IRX6: variants seen among roughly 807,000 people sequenced by gnomAD.
IRX6 encodes iroquois homeobox 6.
A neutral mutation model predicts 47.7 loss-of-function variants in IRX6; 46 were observed. The ratio of observed to expected loss-of-function variants is 0.96; its 90% confidence interval spans 0.76 to 1.23. The LOEUF is 1.23. Ranked by LOEUF, IRX6 falls within the 50% of genes most tolerant of loss-of-function variation. The pLI is 0.00. For missense variants in IRX6, 722 were observed against 588.0 expected (o/e 1.23, Z -2.36); for synonymous variants, 265 against 246.2 (o/e 1.08, Z -0.72).
chr16:55,329,495 T>TAA (rs1367598937), intron 5 of IRX6, among the ~76,000 whole-genome samples, 184 bp downstream of exon 5: 1 of 152,192 alleles, frequency 6.6e-6, no homozygotes, highest in Non-Finnish European at 1.5e-5. Context: ...CTCCCTTATT[T>TAA]AAAAGTCAAA....
At chr16:55,329,376 G>A (rs141862671) in intron 5 of IRX6, 65 bp downstream of exon 5, 277 of 1,521,636 alleles carry the variant, frequency 1.8e-4, no homozygotes, top group Non-Finnish European at 2.4e-4. Context: ...GCCCCGCCCG[G>A]CAATTGCACA....
chr16:55,329,108 A>T lies in IRX6; in HGVS notation c.1130A>T (p.Glu377Val). 1 of 1,614,022 alleles carries T rather than the reference A, an allele frequency of 6.2e-7. No homozygotes were observed. Among genetic ancestry groups the T allele is most frequent in the Non-Finnish European group, 8.5e-7 (1 of 1,180,028 alleles). Residue 377 changes from glutamate to valine, a missense_variant, in exon 5 of 6, where the codon GAG (glutamate) becomes GTG (valine). Glu to Val is a moderately radical substitution (Grantham distance 121). Transcript: ENST00000290552. Reference protein sequence around the residue: ...PPARPRPRSPECRMIPGQPPA... With the variant: ...PPARPRPRSPVCRMIPGQPPA... ...GCCCGGCCTAGGCCACGAAGTCCTG[A>T]GTGCCGTATGATTCCTGGACAGCCT... is the stretch of plus-strand genomic sequence containing the variant.
rs753210884 is a variant in IRX6 at position 55,326,485 on chromosome 16, C to T, written c.195C>T (p.Gly65=). 1.2e-6 allele frequency: 2 copies of T among 1,612,970 alleles called. No homozygotes were observed. The highest frequency in any genetic ancestry group is 1.7e-5 in the Admixed American group (1 of 59,934). Reference sequence around the variant, plus strand: ...TGGGCAGTGCGCGACCGGAGCTGGGCGCCGCCTTGGGCATCTATGGAGCAC... The same window carrying T: ...TGGGCAGTGCGCGACCGGAGCTGGGTGCCGCCTTGGGCATCTATGGAGCAC... ...RLLGSARPEL[G]AALGIYGAPY... Residue 65 remains glycine, a synonymous_variant, in exon 2 of 6, where the codon GGC becomes GGT. Transcript: ENST00000290552.
intron 4 of IRX6, 70 bp from the exon 5 acceptor site, chr16:55,328,630 C>A: frequency 1.3e-6 from 2 of 1,518,816 alleles, no homozygotes; most frequent in Admixed American, 3.7e-5. Flanking sequence ...AAAAGCTTCT[C>A]GGGGATGGAC....
At chr16:55,327,082 G>T (rs1160446345) in intron 2 of IRX6, 7 of 562,966 alleles carry the variant, frequency 1.2e-5, no homozygotes, top group Non-Finnish European at 6.3e-6. Context: ...CTGCCAGCAT[G>T]GTCTTCTTCA....
At position 55,324,782 on chromosome 16, in the gene IRX6, G is replaced by T; in HGVS notation, c.-310G>T. The T allele has an allele frequency of 2.2e-6, 1 of 456,660 alleles. No homozygotes were observed. The highest frequency in any genetic ancestry group is 4.0e-6 in the Non-Finnish European group (1 of 250,616). 28.3% of individuals were successfully genotyped at this position (456,660 alleles called of 1,614,324 possible). ...GACACCTCCGGAGCCTCACAGCCCC[G>T]CGCCGCGCCGCGCCTCACCTCGCCA... On this transcript the variant is annotated 5_prime_UTR_variant, in exon 1 of 6. Transcript: ENST00000290552. The surrounding 1 kb of genome is among the most constrained non-coding windows in gnomAD (Gnocchi z 4.4).
intron 1 of IRX6, 125 bp from the exon 2 acceptor site, chr16:55,326,207 GGAAT>G: frequency 2.4e-6 from 2 of 824,452 alleles, no homozygotes; most frequent in Non-Finnish European, 3.7e-6. Context: ...GCATAATGAA[GGAAT>G]GAATGAAGGA....
chr16:55,326,245 CTTCT>C, intron 1 of IRX6, 87 bp from the exon 2 acceptor site: 1 of 1,124,152 alleles, frequency 8.9e-7, no homozygotes, highest in Admixed American at 3.4e-5. Flanking sequence ...CTGATTTTCT[CTTCT>C]TTGTTTCTAG....
At chr16:55,326,959 C>CGGGGGGGGGGGGGGGGGGGA (rs1555484071) in intron 2 of IRX6, 1 of 31,378 alleles carries the variant, frequency 3.2e-5, no homozygotes, top group African/African-American at 1.7e-4. Context: ...GGGCAGGGGG[C>CGGGGGGGGGGGGGGGGGGGA]GGGGGGTGGG....
At position 55,325,567 on chromosome 16, in the gene IRX6, A is replaced by AAGAAAGAGAGAGAG. The variant is rs1960505735; in HGVS notation, c.45+434_45+435insAAGAGAGAGAGAGA. On this transcript the variant is annotated intron_variant, in intron 1 of 5. Coordinates refer to ENST00000290552, the MANE Select transcript of IRX6 (RefSeq NM_024335.3). ...AGAGAGAGAGAGAGAGAGAGAAAGAAAGAGAAAGAAAGAAAGAAGGAAAGA... is the reference window on the plus strand; with the variant it reads ...AGAGAGAGAGAGAGAGAGAGAAAGAAAGAAAGAGAGAGAGAGAGAAAGAAAGAAAGAAGGAAAGA... 3.5e-5 allele frequency among the ~76,000 whole-genome samples: 2 copies of AAGAAAGAGAGAGAG among 57,570 alleles called. 1 individual carries two copies. Among genetic ancestry groups the AAGAAAGAGAGAGAG allele is most frequent in the Non-Finnish European group, 7.8e-5 (2 of 25,482 alleles). 37.8% of individuals were successfully genotyped at this position (57,570 alleles called of 152,430 possible). A position where few individuals can be genotyped will look rare whatever the true frequency, so the allele number is the denominator to read the frequency against.
intron 2 of IRX6, 30 bp from the exon 3 acceptor site, chr16:55,327,266 C>A: frequency 6.5e-7 from 1 of 1,533,770 alleles, no homozygotes; most frequent in Non-Finnish European, 9.0e-7. Flanking sequence ...CCCAACTGTA[C>A]TCCTGAATTC....
At position 55,328,712 on chromosome 16, in the gene IRX6, G is replaced by T; in HGVS notation, c.734G>T (p.Ser245Ile). 1.9e-6 allele frequency: 3 copies of T among 1,613,108 alleles called. No homozygotes were observed. Among genetic ancestry groups the T allele is most frequent in the Non-Finnish European group, 2.5e-6 (3 of 1,179,950 alleles). Residue 245 changes from serine to isoleucine, a missense_variant, in exon 5 of 6, where the codon AGC becomes ATC. Coordinates refer to ENST00000290552, the MANE Select transcript of IRX6 (RefSeq NM_024335.3). ...LTADTKEVTA[S>I]QEARGLRLSD... ...TGATTTCCTGCAGAAGTTACTGCTA[G>T]CCAGGAGGCCCGGGGGCTCCGGCTG... is the stretch of plus-strand genomic sequence containing the variant.
chr16:55,328,903 T>C lies in IRX6; in HGVS notation c.925T>C (p.Cys309Arg). 6.2e-7 allele frequency: 1 copy of C among 1,612,884 alleles called. No individual in the cohort carries two copies. Among genetic ancestry groups the C allele is most frequent in the Non-Finnish European group, 8.5e-7 (1 of 1,179,916 alleles). ...AREGRLERRE[C>R]GLAAPRFSFN... ...AGAGGGCCGATTGGAGCGCAGGGAG[T>C]GCGGCCTGGCTGCGCCCCGCTTCTC... Residue 309 changes from cysteine (C) to arginine (R), a missense_variant, in exon 5 of 6, where the codon TGC becomes CGC. Transcript: ENST00000290552.
chr16:55,325,039 G>C lies in IRX6; in HGVS notation c.-53G>C, dbSNP rs1272965124. ...CACTGCTGGGGGCGCGGAACAGCTG[G>C]GCTGAGACGGGAACTCGACAGGGAA... is the stretch of plus-strand genomic sequence containing the variant. On this transcript the variant is annotated 5_prime_UTR_variant, in exon 1 of 6. Coordinates refer to ENST00000290552, the MANE Select transcript of IRX6 (RefSeq NM_024335.3). 1.9e-6 allele frequency: 3 copies of C among 1,593,298 alleles called. No homozygotes were observed. Among genetic ancestry groups the C allele is most frequent in the East Asian group, 2.2e-5 (1 of 44,736 alleles).
At chr16:55,327,157 C>G (rs1167254614) in intron 2 of IRX6, 139 bp from the exon 3 acceptor site, 1 of 649,886 alleles carries the variant, frequency 1.5e-6, no homozygotes, top group East Asian at 2.7e-5. Flanking sequence ...AGTGGTTAAG[C>G]CACTGGTTAA....
At position 55,326,599 on chromosome 16, in the gene IRX6, T is replaced by G; in HGVS notation, c.303+6T>G. On this transcript the variant is annotated splice_donor_region_variant and intron_variant, in intron 2 of 5. Transcript: ENST00000290552. ...CCTCACTGTATGGGGCACTGGTGAG[T>G]ACAGGGGTGGAGTCCCAGGGGAGTG... 6.6e-7 allele frequency: 1 copy of G among 1,514,100 alleles called. No individual in the cohort carries two copies. Among genetic ancestry groups the G allele is most frequent in the Non-Finnish European group, 8.9e-7 (1 of 1,124,878 alleles). The allele number at this position is 1,514,100 out of a possible 1,614,324, so 93.8% of individuals were successfully genotyped here.
rs1452021281 is a variant in IRX6, at chr16:55,330,508, C to G, written c.*203C>G. ...CCGACTTGAACCTTAGCAGTCCCCA[C>G]GGGAGATGGCAGGGCACCTTGGGGA... On this transcript the variant is annotated 3_prime_UTR_variant, in exon 6 of 6. Coordinates refer to ENST00000290552, the MANE Select transcript of IRX6 (RefSeq NM_024335.3). 3.3e-6 allele frequency: 2 copies of G among 600,808 alleles called. No individual in the cohort carries two copies. Among genetic ancestry groups the G allele is most frequent in the African/African-American group, 1.9e-5 (1 of 53,782 alleles). 37.2% of individuals were successfully genotyped at this position (600,808 alleles called of 1,614,324 possible).
chr16:55,328,667 G>A (rs1960580620), intron 4 of IRX6, 33 bp from the exon 5 acceptor site: 1 of 1,606,330 alleles, frequency 6.2e-7, no homozygotes, highest in East Asian at 2.2e-5. Context: ...TTGGGCCCTG[G>A]GGCTTTTCTC....
At chr16:55,325,526 GGAAGGAGAGAGA>G (rs1960498191) in intron 1 of IRX6, among the ~76,000 whole-genome samples, 1 of 16,156 alleles carries the variant, frequency 6.2e-5, no homozygotes, top group Non-Finnish European at 1.2e-4. Flanking sequence ...AAGGAAGGAA[GGAAGGAGAGAGA>G]GAGAGAGAGA....
Sources: gnomAD v4.1 joint callset for allele counts (sites outside exome capture counted in the v4.1 genomes callset) on GRCh38, gnomAD v4.1.1 for gene constraint, Gnocchi (gnomAD v3.1) non-coding constraint, MANE v1.5 for transcripts, NCBI Gene and HGNC (gene_info 2026-07-23, HGNC 2026-07-21) for gene names.